CACNA1E: variants seen among roughly 807,000 people sequenced by gnomAD.
CACNA1E encodes calcium voltage-gated channel subunit alpha1 E.
A neutral mutation model predicts 259.2 loss-of-function variants in CACNA1E; 40 were observed. The observed-to-expected ratio is 0.15, with a 90% CI of 0.12 to 0.20. CACNA1E has a LOEUF of 0.20. CACNA1E is among the 10% of genes least tolerant of loss of function. The probability of loss-of-function intolerance (pLI) is 1.00; values close to 1 mark genes in which losing one functional copy is unlikely to be tolerated. For missense variants in CACNA1E, 1,874 were observed against 3,040.1 expected, an observed-to-expected ratio of 0.62 and a Z score of 9.02; for synonymous variants, 1,104 against 1,138.5, an observed-to-expected ratio of 0.97 and a Z score of 0.61.
chr1:181,544,675 G>A (rs187371880), intron 3 of CACNA1E, among the ~76,000 whole-genome samples: 1 of 152,132 alleles, frequency 6.6e-6, no homozygotes, highest in African/African-American at 2.4e-5. Flanking sequence ...CTTCATTCCC[G>A]TGCAGATAAT....
At position 181,459,882 on chromosome 1, in the gene CACNA1E, T is replaced by C. The variant is rs536315673; in HGVS notation, c.435-23862T>C. 1.1e-4 allele frequency among the ~76,000 whole-genome samples: 16 copies of C among 152,338 alleles called. No homozygotes were observed. In the South Asian group the frequency reaches 2.9e-3, roughly 28 times the overall value. ...TGATGAACATTTGATCAGTGAGAGA[T>C]TGAGCAGATGAATTCTTCTCTGTCT... On this transcript the variant is annotated intron_variant, in intron 2 of 11. Transcript: ENST00000524607.
chr1:181,501,015 T>A (rs572076941), intron 1 of CACNA1E, among the ~76,000 whole-genome samples: 31 of 152,210 alleles, frequency 2.0e-4, no homozygotes, highest in South Asian at 1.7e-3. Flanking sequence ...TGGGCTCCAA[T>A]TCATCAGAGT....
At position 181,798,811 on chromosome 1, in the gene CACNA1E, A is replaced by G; in HGVS notation, c.6919A>G (p.Thr2307Ala). Residue 2307 changes from threonine to alanine, a missense_variant, in exon 48 of 48, where the codon ACG becomes GCG. Thr to Ala is a moderately conservative substitution (Grantham distance 58, BLOSUM62 0). Transcript: ENST00000367573. This position sits in a 1 kb window ranked among gnomAD's most constrained non-coding sequence, Gnocchi z 4.2. ...GGCTGTCAACAACCTGCTAAGTGAC[A>G]CGGAAGAAGATGACAAATGCTAGAG... is the stretch of plus-strand genomic sequence containing the variant. ...CGAVNNLLSD[T>A]EEDDKC is the part of the protein sequence containing the mutation. 1 of 1,528,956 alleles carries G rather than the reference A, an allele frequency of 6.5e-7. No individual in the cohort carries two copies. The highest frequency in any genetic ancestry group is 8.8e-7 in the Non-Finnish European group (1 of 1,138,994). The allele number at this position is 1,528,956 out of a possible 1,614,324, so 94.7% of individuals were successfully genotyped here. A position where few individuals can be genotyped will look rare whatever the true frequency, so the allele number is the denominator to read the frequency against.
intron 10 of CACNA1E, among the ~76,000 whole-genome samples, chr1:181,716,559 GT>G (rs1402471266): frequency 6.6e-6 from 1 of 152,182 alleles, no homozygotes; most frequent in East Asian, 1.9e-4. Flanking sequence ...CTTCCATCAT[GT>G]GAAATTTAAA....
rs746953505 is a variant in CACNA1E, at chr1:181,750,504, A to T, written c.3731+17A>T. 6.2e-7 allele frequency: 1 copy of T among 1,610,774 alleles called. No homozygotes were observed. On this transcript the variant is annotated intron_variant, in intron 26 of 47. Transcript: ENST00000367573. ...CGCTTTGGGGTAAATATGTTCGATT[A>T]TCTTTGAAGTAAACGATACAAGGAA...
At chr1:181,441,292 C>A (rs1660456669) in intron 2 of CACNA1E, among the ~76,000 whole-genome samples, 1 of 152,198 alleles carries the variant, frequency 6.6e-6, no homozygotes, top group Non-Finnish European at 1.5e-5. Flanking sequence ...CCTGGGACTA[C>A]AAGCGCCTGC....
At chr1:181,389,969 C>A (rs1656138416) in intron 1 of CACNA1E, among the ~76,000 whole-genome samples, 1 of 152,246 alleles carries the variant, frequency 6.6e-6, no homozygotes, top group Non-Finnish European at 1.5e-5. Flanking sequence ...TGGCTGCAGC[C>A]ACAATACAGA....
chr1:181,438,073 C>T (rs756116021), intron 2 of CACNA1E, among the ~76,000 whole-genome samples: 3 of 152,204 alleles, frequency 2.0e-5, no homozygotes, highest in Non-Finnish European at 2.9e-5. Context: ...GGCTCCAATT[C>T]CAGATTATAC....
chr1:181,604,077 T>G (rs1007222015), intron 6 of CACNA1E, among the ~76,000 whole-genome samples: 3 of 152,156 alleles, frequency 2.0e-5, no homozygotes, highest in Non-Finnish European at 2.9e-5. Context: ...GAGGCCAGTC[T>G]TCTTGTGTTT....
intron 10 of CACNA1E, 31 bp from the exon 11 acceptor site, chr1:181,717,062 A>G (rs763955561): frequency 6.3e-7 from 1 of 1,579,864 alleles, no homozygotes; most frequent in Non-Finnish European, 8.7e-7. Flanking sequence ...GATATTTTGC[A>G]GTCTCATTCT....
intron 6 of CACNA1E, among the ~76,000 whole-genome samples, chr1:181,593,804 T>C (rs1367104267): frequency 6.6e-6 from 1 of 152,172 alleles, no homozygotes; most frequent in Non-Finnish European, 1.5e-5. Context: ...CCCAAAGTGC[T>C]GGGATTACAG....
chr1:181,445,641 A>G (rs1302796978), intron 2 of CACNA1E, among the ~76,000 whole-genome samples: 1 of 152,254 alleles, frequency 6.6e-6, no homozygotes. Context: ...GTGATGTAGC[A>G]CACAAGGGCC....
At chr1:181,510,218 T>C (rs1205369760) in intron 1 of CACNA1E, among the ~76,000 whole-genome samples, 1 of 152,204 alleles carries the variant, frequency 6.6e-6, no homozygotes, top group Non-Finnish European at 1.5e-5. Context: ...AACTATATTA[T>C]GTATTGGCTA....
intron 7 of CACNA1E, among the ~76,000 whole-genome samples, chr1:181,686,820 C>T (rs1378130661): frequency 6.6e-6 from 1 of 152,094 alleles, no homozygotes; most frequent in Non-Finnish European, 1.5e-5. Flanking sequence ...GAAGAGTTTC[C>T]CTGCATGGAG....
intron 6 of CACNA1E, among the ~76,000 whole-genome samples, chr1:181,616,414 T>A (rs575994194): frequency 6.6e-6 from 1 of 152,292 alleles, no homozygotes; most frequent in East Asian, 1.9e-4. Context: ...AATCTGTTAT[T>A]TACCATGTTG....
In CACNA1E at chr1:181,804,446, A is replaced by G. The variant is rs1217587618; in HGVS notation, c.*5612A>G. On this transcript the variant is annotated 3_prime_UTR_variant, in exon 48 of 48. Transcript: ENST00000367573. ...ACCCAAATTAATGAAGAACTGCCCC[A>G]AAACTTCAGTGAAAGCCAAGGAGGT... is the stretch of plus-strand genomic sequence containing the variant. 6.6e-6 allele frequency: 1 copy of G among 152,368 alleles called. No individual in the cohort carries two copies. Among genetic ancestry groups the G allele is most frequent in the East Asian group, 1.9e-4 (1 of 5,194 alleles). 9.4% of individuals were successfully genotyped at this position (152,368 alleles called of 1,614,324 possible).
intron 6 of CACNA1E, among the ~76,000 whole-genome samples, chr1:181,623,104 T>C (rs1162393029): frequency 6.6e-6 from 1 of 152,172 alleles, no homozygotes; most frequent in Non-Finnish European, 1.5e-5. Flanking sequence ...ATTTGGTCAT[T>C]CAACAAACAT....
At chr1:181,360,471 A>G (rs1293507481) in intron 1 of CACNA1E, among the ~76,000 whole-genome samples, 1 of 152,206 alleles carries the variant, frequency 6.6e-6, no homozygotes, top group Non-Finnish European at 1.5e-5. Flanking sequence ...AAAACATTAT[A>G]TTAGGTGAAA....
In CACNA1E at chr1:181,485,922, T is replaced by G. The variant is rs1571987832; in HGVS notation, c.266+1912T>G. ...TGTGCCAGCAGCCATCGTTGGCACC[T>G]CGGACAGCGCCGCTGAAACTCCCGG... On this transcript the variant is annotated intron_variant, in intron 1 of 47. Transcript: ENST00000367573. The surrounding 1 kb of genome is among the most constrained non-coding windows in gnomAD (Gnocchi z 4.2). Among the ~76,000 whole-genome samples the G allele has an allele frequency of 1.3e-5, 2 of 152,218 alleles. No homozygotes were observed. Among genetic ancestry groups the G allele is most frequent in the Non-Finnish European group, 2.9e-5 (2 of 68,038 alleles).
Sources: gnomAD v4.1 joint callset for allele counts (sites outside exome capture counted in the v4.1 genomes callset) on GRCh38, gnomAD v4.1.1 for gene constraint, Gnocchi (gnomAD v3.1) non-coding constraint, MANE v1.5 for transcripts, NCBI Gene and HGNC (gene_info 2026-07-23, HGNC 2026-07-21) for gene names.